Variants in LDAH observed in about 807,000 individuals in gnomAD.
LDAH encodes lipid droplet associated hydrolase, also known as lipid droplet-associated hydrolase.
Under a neutral mutation model 29.6 loss-of-function variants are expected in LDAH, and 26 were observed. The observed-to-expected ratio is 0.88, with a 90% CI of 0.64 to 1.22. The LOEUF (loss-of-function observed/expected upper bound fraction) is 1.22, where lower values mean the gene tolerates loss of function less well. LDAH is among the 50% of genes most tolerant of loss of function. The pLI, the probability that LDAH is intolerant of heterozygous loss-of-function variation, is 0.00. For synonymous variants in LDAH, 117 were observed against 133.0 expected, an observed-to-expected ratio of 0.88 and a Z score of 0.83; for missense variants, 344 against 387.3, an observed-to-expected ratio of 0.89 and a Z score of 0.94.
At chr2:20,700,594 T>C (rs145360639) in intron 6 of LDAH, among the ~76,000 whole-genome samples, 22 of 152,244 alleles carry the variant, frequency 1.4e-4, no homozygotes, top group Admixed American at 3.3e-4. Context: ...GCAGGGATCA[T>C]TTCAGCAGGT....
intron 5 of LDAH, among the ~76,000 whole-genome samples, chr2:20,723,922 T>C (rs1665840248): frequency 6.6e-6 from 1 of 152,188 alleles, no homozygotes; most frequent in Non-Finnish European, 1.5e-5. Context: ...TAAACACAGG[T>C]ATAAAAAAGA....
In LDAH at chr2:20,725,914, C is replaced by T. The variant is rs138956428; in HGVS notation, c.703+14057G>A. ...AAAGGTTTATGTGATGTGCAAAGGA[C>T]AACAGAGTAGAAACATACGACCCAT... On this transcript the variant is annotated intron_variant, in intron 5 of 6. Coordinates refer to ENST00000237822, the MANE Select transcript of LDAH (RefSeq NM_021925.4). Among the ~76,000 whole-genome samples, 434 of 152,210 alleles carry T rather than the reference C, an allele frequency of 2.9e-3. 3 individuals are homozygous for T. The highest frequency in any genetic ancestry group is 9.8e-3 in the African/African-American group (409 of 41,534).
At chr2:20,773,318 A>C (rs1175756724) in intron 4 of LDAH, among the ~76,000 whole-genome samples, 1 of 151,810 alleles carries the variant, frequency 6.6e-6, no homozygotes, top group Non-Finnish European at 1.5e-5. Flanking sequence ...ACAGACTAAA[A>C]AAAAAAAAGG....
intron 6 of LDAH, among the ~76,000 whole-genome samples, chr2:20,689,073 G>A (rs928010262): frequency 6.6e-6 from 1 of 151,796 alleles, no homozygotes; most frequent in African/African-American, 2.4e-5. Context: ...CCACTTATGA[G>A]TGAGAACATG....
At chr2:20,771,235 A>C (rs1669389961) in intron 4 of LDAH, among the ~76,000 whole-genome samples, 1 of 152,206 alleles carries the variant, frequency 6.6e-6, no homozygotes. Flanking sequence ...TTTAAGACCA[A>C]GTTGCCTATA....
intron 4 of LDAH, among the ~76,000 whole-genome samples, chr2:20,768,034 G>C (rs1558459542): frequency 6.6e-6 from 1 of 152,126 alleles, no homozygotes; most frequent in Non-Finnish European, 1.5e-5. Context: ...GCTACACAGA[G>C]GAGCTGTCCA....
intron 1 of LDAH, among the ~76,000 whole-genome samples, chr2:20,811,741 C>CA (rs1672518766): frequency 6.6e-6 from 1 of 152,144 alleles, no homozygotes; most frequent in Non-Finnish European, 1.5e-5. Flanking sequence ...CTCTCGGCCT[C>CA]CCAAAGTGCT....
intron 6 of LDAH, among the ~76,000 whole-genome samples, chr2:20,697,684 T>C (rs967091781): frequency 2.6e-5 from 4 of 152,230 alleles, no homozygotes; most frequent in African/African-American, 7.2e-5. Flanking sequence ...CACAACATCA[T>C]GCTACCTAAC....
chr2:20,742,339 A>G (rs529516828), intron 4 of LDAH, among the ~76,000 whole-genome samples: 6 of 152,316 alleles, frequency 3.9e-5, no homozygotes, highest in Non-Finnish European at 7.3e-5. Flanking sequence ...GTTGAATTCA[A>G]CTAGGTCTTT....
intron 4 of LDAH, among the ~76,000 whole-genome samples, chr2:20,758,907 G>A (rs1668498695): frequency 6.6e-6 from 1 of 152,208 alleles, no homozygotes; most frequent in Admixed American, 6.5e-5. Context: ...AGGGCCTTAA[G>A]GAGAACCCTC....
At chr2:20,765,107 TA>T (rs1668939865) in intron 4 of LDAH, among the ~76,000 whole-genome samples, 1 of 152,156 alleles carries the variant, frequency 6.6e-6, no homozygotes, top group Non-Finnish European at 1.5e-5. Flanking sequence ...ACATAAATAT[TA>T]AGAAAAATTC....
At chr2:20,697,331 C>T (rs958071079) in intron 6 of LDAH, among the ~76,000 whole-genome samples, 1 of 152,214 alleles carries the variant, frequency 6.6e-6, no homozygotes, top group African/African-American at 2.4e-5. Context: ...ATCTTTCCAT[C>T]TTCAATCCCA....
chr2:20,705,935 G>C (rs1037310553), intron 5 of LDAH, among the ~76,000 whole-genome samples: 5 of 152,196 alleles, frequency 3.3e-5, no homozygotes, highest in Admixed American at 2.0e-4. Context: ...ATAACTTTCT[G>C]TGATGGTGGA....
chr2:20,768,398 A>G, intron 4 of LDAH, among the ~76,000 whole-genome samples: 1 of 152,258 alleles, frequency 6.6e-6, no homozygotes, highest in South Asian at 2.1e-4. Flanking sequence ...AGCTGCTTAC[A>G]GTGTGCCTGG....
intron 5 of LDAH, among the ~76,000 whole-genome samples, chr2:20,738,293 T>C (rs867696421): frequency 3.7e-5 from 5 of 133,824 alleles, no homozygotes; most frequent in South Asian, 2.2e-4. Flanking sequence ...TAATAATATA[T>C]AGATTCTTGC....
chr2:20,743,525 C>T (rs562260), intron 4 of LDAH, among the ~76,000 whole-genome samples: 1 of 152,014 alleles, frequency 6.6e-6, no homozygotes, highest in African/African-American at 2.4e-5. Context: ...ATTCATTTCA[C>T]TTATATGTAA....
intron 5 of LDAH, among the ~76,000 whole-genome samples, chr2:20,715,033 G>A (rs1307391915): frequency 6.6e-6 from 1 of 152,178 alleles, no homozygotes; most frequent in East Asian, 1.9e-4. Flanking sequence ...CTCATTTTAT[G>A]AGGTCAACAT....
intron 4 of LDAH, among the ~76,000 whole-genome samples, chr2:20,753,890 C>T (rs2124916561): frequency 6.6e-6 from 1 of 152,244 alleles, no homozygotes; most frequent in Admixed American, 6.5e-5. Context: ...ATTTTATCAC[C>T]AAAATCAATA....
intron 3 of LDAH, among the ~76,000 whole-genome samples, chr2:20,786,840 T>C (rs1572630033): frequency 6.6e-6 from 1 of 152,218 alleles, no homozygotes; most frequent in African/African-American, 2.4e-5. Context: ...CTAACTGCCC[T>C]TCCCCCCAGG....
Sources: allele counts gnomAD v4.1 joint callset (sites outside exome capture counted in the v4.1 genomes callset), GRCh38; gene constraint gnomAD v4.1.1; transcripts MANE v1.5; gene names NCBI Gene and HGNC (gene_info 2026-07-23, HGNC 2026-07-21).